DPYSL5: variants seen among roughly 807,000 people sequenced by gnomAD.
DPYSL5 encodes dihydropyrimidinase-related protein 5.
In DPYSL5, 9 loss-of-function variants were observed where a neutral mutation model predicts 58.4. That is an observed-to-expected ratio of 0.15 (90% CI 0.09 to 0.27). The LOEUF (loss-of-function observed/expected upper bound fraction) is 0.27. DPYSL5 is among the 10% of genes least tolerant of loss of function. The pLI is 1.00. For missense variants in DPYSL5, 499 were observed against 770.6 expected, an observed-to-expected ratio of 0.65 and a Z score of 4.17; for synonymous variants, 293 against 301.9, an observed-to-expected ratio of 0.97 and a Z score of 0.31.
In DPYSL5 at chr2:26,900,884, G is replaced by A. The variant is rs137936190; in HGVS notation, c.261+2124G>A. Among the ~76,000 whole-genome samples, 302 of 152,216 alleles carry A rather than the reference G, an allele frequency of 2.0e-3. 1 individual carries two copies. In the Middle Eastern group the frequency reaches 0.024, roughly 12 times the overall value. ...TCACTATGCTGTCTACCAGCCTCGC[G>A]GTGGGCAGACTGGCCTCCTTTGTCT... On this transcript the variant is annotated intron_variant, in intron 2 of 12. Coordinates refer to ENST00000288699, the MANE Select transcript of DPYSL5 (RefSeq NM_020134.4).
At chr2:26,852,195 T>G (rs1461400244) in intron 1 of DPYSL5, among the ~76,000 whole-genome samples, 2 of 152,242 alleles carry the variant, frequency 1.3e-5, no homozygotes, top group Non-Finnish European at 2.9e-5. Flanking sequence ...TTTGTCAACA[T>G]GAAGTCCTGT....
In DPYSL5 at chr2:26,940,187, GC is replaced by G. The variant is rs1665279687; in HGVS notation, c.1089+19del. Reference sequence around the variant, plus strand: ...AGAGAGGAGTGGTATGTTTCCTAGAGCCCCGCCCCGATCTGATCCCTGCTCT... The same window carrying G: ...AGAGAGGAGTGGTATGTTTCCTAGAGCCCGCCCCGATCTGATCCCTGCTCT... On this transcript the variant is annotated intron_variant, in intron 9 of 12. Coordinates refer to ENST00000288699, the MANE Select transcript of DPYSL5 (RefSeq NM_020134.4). The G allele has an allele frequency of 3.1e-6, 5 of 1,612,898 alleles. No homozygotes were observed. Among genetic ancestry groups the G allele is most frequent in the Non-Finnish European group, 3.4e-6 (4 of 1,179,782 alleles).
intron 6 of DPYSL5, among the ~76,000 whole-genome samples, chr2:26,932,949 T>C (rs1259109865): frequency 6.6e-6 from 1 of 152,176 alleles, no homozygotes; most frequent in African/African-American, 2.4e-5. Context: ...CCTTTTAAAT[T>C]ACAGTCATGG....
At chr2:26,932,207 G>GAA (rs111866761) in intron 6 of DPYSL5, among the ~76,000 whole-genome samples, 1 of 35,886 alleles carries the variant, frequency 2.8e-5, no homozygotes, top group African/African-American at 9.3e-5. Context: ...AAGAAAGAAA[G>GAA]AAAAGAAAGA....
chr2:26,894,937 A>T (rs1663974999), intron 1 of DPYSL5, among the ~76,000 whole-genome samples: 1 of 152,200 alleles, frequency 6.6e-6, no homozygotes, highest in African/African-American at 2.4e-5. Flanking sequence ...GTGGTGTCAT[A>T]TGTGGTTACT....
chr2:26,879,973 C>T (rs1334142170), intron 1 of DPYSL5, among the ~76,000 whole-genome samples: 1 of 152,162 alleles, frequency 6.6e-6, no homozygotes, highest in Non-Finnish European at 1.5e-5. Context: ...TCACTGCAGC[C>T]TCGACCTCCC....
intron 1 of DPYSL5, 41 bp downstream of exon 1, chr2:26,848,295 G>A (rs1373369371): frequency 6.6e-6 from 1 of 152,236 alleles, no homozygotes; most frequent in Non-Finnish European, 1.5e-5. Flanking sequence ...ACCCCTCCCG[G>A]GCTAGGACAT....
At chr2:26,932,197 A>AAGACAGAAAGAC (rs1558351637) in intron 6 of DPYSL5, among the ~76,000 whole-genome samples, 1 of 69,542 alleles carries the variant, frequency 1.4e-5, no homozygotes, top group Non-Finnish European at 3.2e-5. Context: ...GAAAGAAAGA[A>AAGACAGAAAGAC]AGAAAGAAAG....
intron 1 of DPYSL5, among the ~76,000 whole-genome samples, chr2:26,848,692 G>A (rs1264738868): frequency 3.3e-5 from 5 of 152,012 alleles, no homozygotes; most frequent in South Asian, 2.1e-4. Flanking sequence ...CGCTGTCCCC[G>A]GTCCCACACA....
Position 26,865,235 on chromosome 2 carries a change from C to T in DPYSL5, c.-5+16981C>T, listed in dbSNP as rs554893907. On this transcript the variant is annotated intron_variant, in intron 1 of 12. Transcript: ENST00000288699. ...CATGCTCCAAATAGCCAACAAATAG[C>T]ACAGAAAGCATGGTCTTTCCTCCTA... Among the ~76,000 whole-genome samples the T allele has an allele frequency of 6.1e-4, 93 of 151,786 alleles. 1 individual carries two copies. The South Asian group carries it at 0.019, about 31-fold the overall frequency.
intron 2 of DPYSL5, among the ~76,000 whole-genome samples, chr2:26,911,878 G>A (rs1171520372): frequency 6.6e-6 from 1 of 152,126 alleles, no homozygotes; most frequent in African/African-American, 2.4e-5. Context: ...GGGCACTTTG[G>A]CTCTCAATCT....
At position 26,928,309 on chromosome 2, in the gene DPYSL5, A is replaced by G; in HGVS notation, c.655A>G (p.Ser219Gly). ...CACAGGCCCAGAAGGAATCGAGATC[A>G]GCCGTCCAGAGGAGGTGAGAAACAC... is the stretch of plus-strand genomic sequence containing the variant. ...GITGPEGIEI[S>G]RPEELEAEAT... The change falls in exon 5 of 13, where the codon AGC (serine) becomes GGC (glycine). Residue 219 changes from serine (S) to glycine (G), a missense_variant. Physicochemically the swap from Ser to Gly is moderately conservative, Grantham distance 56. Coordinates refer to ENST00000288699, the MANE Select transcript of DPYSL5 (RefSeq NM_020134.4). The G allele has an allele frequency of 1.2e-6, 2 of 1,613,986 alleles. No homozygotes were observed. Among genetic ancestry groups the G allele is most frequent in the Non-Finnish European group, 1.7e-6 (2 of 1,179,932 alleles).
chr2:26,853,910 C>T lies in DPYSL5; in HGVS notation c.-5+5656C>T, dbSNP rs184988586. On this transcript the variant is annotated intron_variant, in intron 1 of 12. Transcript: ENST00000288699. Reference sequence around the variant, plus strand: ...AAAAAATTAGCCAGGTGGGGTGGCACATGCCTGTGGTCCCAGCTACTTGAG... The same window carrying T: ...AAAAAATTAGCCAGGTGGGGTGGCATATGCCTGTGGTCCCAGCTACTTGAG... Among the ~76,000 whole-genome samples the T allele has an allele frequency of 5.3e-5, 8 of 152,134 alleles. No homozygotes were observed. The East Asian group carries it at 7.8e-4, about 15-fold the overall frequency.
At chr2:26,850,638 T>C (rs914691548) in intron 1 of DPYSL5, among the ~76,000 whole-genome samples, 1 of 152,246 alleles carries the variant, frequency 6.6e-6, no homozygotes, top group African/African-American at 2.4e-5. Context: ...CTAAGTTAAC[T>C]GAGAACCTGT....
intron 9 of DPYSL5, among the ~76,000 whole-genome samples, 194 bp downstream of exon 9, chr2:26,940,366 T>C (rs1030279561): frequency 6.6e-6 from 1 of 151,836 alleles, no homozygotes; most frequent in Non-Finnish European, 1.5e-5. Flanking sequence ...AGAAAGGTAG[T>C]AAGACCTATT....
Position 26,948,038 on chromosome 2 carries a change from G to A in DPYSL5, c.*1043G>A. The A allele has an allele frequency of 6.5e-6, 1 of 152,768 alleles. No homozygotes were observed. Among genetic ancestry groups the A allele is most frequent in the Non-Finnish European group, 1.4e-5 (1 of 69,986 alleles). 9.5% of individuals were successfully genotyped at this position (152,768 alleles called of 1,614,324 possible). Reference sequence around the variant, plus strand: ...CCCTCTCTGCCCCTGATCACTCCCAGCACTCCCCTTGCCTTCCCCTGTCTT... The same window carrying A: ...CCCTCTCTGCCCCTGATCACTCCCAACACTCCCCTTGCCTTCCCCTGTCTT... On this transcript the variant is annotated 3_prime_UTR_variant, in exon 13 of 13. Coordinates refer to ENST00000288699, the MANE Select transcript of DPYSL5 (RefSeq NM_020134.4).
chr2:26,861,227 G>A (rs756171285), intron 1 of DPYSL5, among the ~76,000 whole-genome samples: 21 of 152,178 alleles, frequency 1.4e-4, no homozygotes, highest in Non-Finnish European at 1.6e-4. Flanking sequence ...TCAGGAAGTA[G>A]GTATGACCCA....
chr2:26,905,551 T>C lies in DPYSL5; in HGVS notation c.261+6791T>C, dbSNP rs1664266200. ...TGGGAATCGGCCCTCACCTCCCAGC[T>C]CGTTTTCCATGCTCGTTCTTCCTGC... On this transcript the variant is annotated intron_variant, in intron 2 of 12. Transcript: ENST00000288699. The surrounding 1 kb of genome is among the most constrained non-coding windows in gnomAD (Gnocchi z 4.0). 6.6e-6 allele frequency among the ~76,000 whole-genome samples: 1 copy of C among 152,118 alleles called. No homozygotes were observed. The highest frequency in any genetic ancestry group is 1.5e-5 in the Non-Finnish European group (1 of 68,016).
chr2:26,911,746 G>A (rs1664446650), intron 2 of DPYSL5, among the ~76,000 whole-genome samples: 1 of 152,048 alleles, frequency 6.6e-6, no homozygotes, highest in Non-Finnish European at 1.5e-5. Flanking sequence ...CCTCAGTCAG[G>A]TTTCCATTCT....
Sources: allele counts gnomAD v4.1 joint callset (sites outside exome capture counted in the v4.1 genomes callset), GRCh38; gene constraint gnomAD v4.1.1; non-coding constraint Gnocchi (gnomAD v3.1); transcripts MANE v1.5; gene names NCBI Gene and HGNC (gene_info 2026-07-23, HGNC 2026-07-21).